The following CAP2 variants were observed in gnomAD, a reference collection of about 807,000 sequenced individuals.
CAP2 encodes adenylyl cyclase-associated protein 2.
Under a neutral mutation model 57.7 loss-of-function variants are expected in CAP2, and 24 were observed. That is an observed-to-expected ratio of 0.42 (90% CI 0.30 to 0.58). The LOEUF is 0.58. Among genes scored for constraint, CAP2 ranks in the 20% least tolerant of loss-of-function variants. CAP2 has a pLI of 0.22. For synonymous variants in CAP2, 194 were observed against 207.2 expected, an observed-to-expected ratio of 0.94 and a Z score of 0.55; for missense variants, 501 against 590.3, an observed-to-expected ratio of 0.85 and a Z score of 1.57.
chr6:17,478,809 T>C (rs1761219233), intron 4 of CAP2, among the ~76,000 whole-genome samples: 2 of 152,160 alleles, frequency 1.3e-5, no homozygotes, highest in Non-Finnish European at 2.9e-5. Context: ...AAAAAGACTT[T>C]CCCAGTGCCC....
intron 3 of CAP2, among the ~76,000 whole-genome samples, chr6:17,456,452 T>C (rs1462463510): frequency 1.3e-5 from 2 of 152,218 alleles, no homozygotes; most frequent in East Asian, 3.8e-4. Context: ...ATTTCTTGTC[T>C]CAATTTCATC....
At chr6:17,446,784 CATCTAGCAGCA>C (rs1760269589) in intron 3 of CAP2, among the ~76,000 whole-genome samples, 1 of 152,222 alleles carries the variant, frequency 6.6e-6, no homozygotes, top group Non-Finnish European at 1.5e-5. Flanking sequence ...AAAGGCAGTT[CATCTAGCAGCA>C]AAAAACAAAG....
intron 3 of CAP2, among the ~76,000 whole-genome samples, chr6:17,438,691 G>A (rs1176123360): frequency 2.7e-5 from 4 of 148,124 alleles, no homozygotes; most frequent in Admixed American, 6.6e-5. Flanking sequence ...CGCCCACCTC[G>A]GCCTCCCAAA....
At chr6:17,426,519 G>A in intron 2 of CAP2, 71 bp from the exon 3 acceptor site, 1 of 1,094,744 alleles carries the variant, frequency 9.1e-7, no homozygotes, top group Non-Finnish European at 1.4e-6. Flanking sequence ...ACAGGTGTGA[G>A]CCACCGTGCC....
intron 8 of CAP2, among the ~76,000 whole-genome samples, chr6:17,539,996 C>T (rs553759169): frequency 6.4e-4 from 97 of 152,146 alleles, no homozygotes; most frequent in African/African-American, 2.2e-3. Flanking sequence ...GTGGGAGGAT[C>T]GCTTGAGCCC....
chr6:17,490,613 C>T (rs1164365948), intron 4 of CAP2, among the ~76,000 whole-genome samples: 2 of 152,178 alleles, frequency 1.3e-5, no homozygotes, highest in Non-Finnish European at 1.5e-5. Context: ...GGCAACAGCA[C>T]GCCTTTGCGG....
chr6:17,460,994 C>T (rs9383286), intron 3 of CAP2, among the ~76,000 whole-genome samples: 96,056 of 151,836 alleles, frequency 0.63, 31,797 homozygotes, highest in East Asian at 0.87. Flanking sequence ...CTAAAAAATT[C>T]AAAAGTTAGC....
chr6:17,483,904 G>A (rs1250915404), intron 4 of CAP2, among the ~76,000 whole-genome samples: 6 of 151,962 alleles, frequency 3.9e-5, no homozygotes, highest in Non-Finnish European at 8.8e-5. Flanking sequence ...AGAGGAGCTT[G>A]CCCTGGATAG....
intron 2 of CAP2, among the ~76,000 whole-genome samples, chr6:17,425,827 G>A (rs751436868): frequency 9.9e-5 from 15 of 152,224 alleles, no homozygotes; most frequent in Non-Finnish European, 1.8e-4. Context: ...GGGCATGGTG[G>A]CTCACGCCTG....
intron 1 of CAP2, among the ~76,000 whole-genome samples, chr6:17,408,862 G>T (rs535095348): frequency 1.3e-3 from 190 of 151,020 alleles, no homozygotes; most frequent in African/African-American, 4.3e-3. Context: ...ATAGAGACGG[G>T]GTTTCACCAT....
intron 1 of CAP2, among the ~76,000 whole-genome samples, chr6:17,419,418 T>A (rs1759372243): frequency 6.6e-6 from 1 of 152,164 alleles, no homozygotes; most frequent in East Asian, 1.9e-4. Flanking sequence ...AAGAGGAGGC[T>A]TGTTGTCGTC....
chr6:17,432,525 C>T (rs143803052), intron 3 of CAP2, among the ~76,000 whole-genome samples: 207 of 152,310 alleles, frequency 1.4e-3, no homozygotes, highest in African/African-American at 4.8e-3. Flanking sequence ...CCCGAAGAAT[C>T]TGTATGTCTT....
intron 1 of CAP2, among the ~76,000 whole-genome samples, chr6:17,408,916 G>T (rs1759062674): frequency 6.6e-6 from 1 of 151,188 alleles, no homozygotes. Context: ...TGATCCGCCA[G>T]CCTCGGCCTC....
intron 7 of CAP2, among the ~76,000 whole-genome samples, chr6:17,515,015 T>C (rs1762242307): frequency 1.3e-5 from 2 of 151,948 alleles, no homozygotes; most frequent in Admixed American, 1.3e-4. Flanking sequence ...CTGTCCAACA[T>C]GGCAAAACCC....
chr6:17,495,494 G>A (rs145278567), intron 4 of CAP2, among the ~76,000 whole-genome samples: 17 of 152,226 alleles, frequency 1.1e-4, no homozygotes, highest in African/African-American at 2.6e-4. Context: ...TGTACATCAC[G>A]TTTCATGCTG....
intron 3 of CAP2, among the ~76,000 whole-genome samples, chr6:17,450,242 G>A (rs940075677): frequency 8.6e-5 from 13 of 151,998 alleles, no homozygotes; most frequent in African/African-American, 2.9e-4. Context: ...TAGTAGAGAC[G>A]GGGTTTCACC....
chr6:17,455,158 G>A (rs1760524680), intron 3 of CAP2, among the ~76,000 whole-genome samples: 1 of 152,076 alleles, frequency 6.6e-6, no homozygotes, highest in Non-Finnish European at 1.5e-5. Context: ...GGAAAAACCT[G>A]AAACTAGTGA....
At chr6:17,554,593 C>G (rs1194744123) in intron 12 of CAP2, among the ~76,000 whole-genome samples, 1 of 152,226 alleles carries the variant, frequency 6.6e-6, no homozygotes, top group African/African-American at 2.4e-5. Context: ...ATGGCTTCAT[C>G]CCAAAGAAAC....
rs1257129641 is a variant in CAP2 at position 17,421,566 on chromosome 6, T to C, written c.11T>C (p.Met4Thr). MANMQGLVERLERA... is the reference protein window; with the variant it reads MANTQGLVERLERA... The stretch of plus-strand genomic sequence containing the variant: ...CTGTGCTTTTCTAGAATGGCCAACA[T>C]GCAGGGACTGGTGGAAAGACTGGAA... The change falls in exon 2 of 13, where the codon ATG becomes ACG. Residue 4 changes from methionine to threonine, a missense_variant. Physicochemically the swap from Met to Thr is moderately conservative, Grantham distance 81. Coordinates refer to ENST00000229922, the MANE Select transcript of CAP2 (RefSeq NM_006366.3). 3.7e-6 allele frequency: 6 copies of C among 1,614,094 alleles called. No homozygotes were observed. The highest frequency in any genetic ancestry group is 1.7e-5 in the Admixed American group (1 of 60,002).
Sources: gnomAD v4.1 joint callset for allele counts (sites outside exome capture counted in the v4.1 genomes callset) on GRCh38, gnomAD v4.1.1 for gene constraint, MANE v1.5 for transcripts, NCBI Gene and HGNC (gene_info 2026-07-23, HGNC 2026-07-21) for gene names.